The following MIDN variants were observed in gnomAD, a reference collection of about 807,000 sequenced individuals.
The protein encoded by MIDN is midbrain nucleolar protein.
Under a neutral mutation model 46.1 loss-of-function variants are expected in MIDN, and 26 were observed. That is an observed-to-expected ratio of 0.56 (90% confidence interval 0.41 to 0.78). MIDN has a LOEUF of 0.78. Ranked by LOEUF, MIDN falls within the 30% of genes least tolerant of loss-of-function variation. The pLI is 0.00. For missense variants in MIDN, 850 were observed against 771.8 expected, an observed-to-expected ratio of 1.10 and a Z score of -1.20; for synonymous variants, 432 against 343.3, an observed-to-expected ratio of 1.26 and a Z score of -2.86.
chr19:1,251,197 G>A (rs905030155), intron 2 of MIDN: 21 of 205,464 alleles, frequency 1.0e-4, no homozygotes, highest in Middle Eastern at 1.8e-3. Flanking sequence ...CTACAAAGAG[G>A]AGCCAGGACT....
At position 1,251,443 on chromosome 19, in the gene MIDN, G is replaced by A; in HGVS notation, c.234-119G>A. ...GCCCTGGATCTGGAAGCCGGGAAGG[G>A]GTGGGGGTGGGAACTTATCCGTCTC... On this transcript the variant is annotated intron_variant, in intron 2 of 8. Transcript: ENST00000682408. 5 of 842,212 alleles carry A rather than the reference G, an allele frequency of 5.9e-6. No individual in the cohort carries two copies. In the Admixed American group the frequency reaches 8.7e-5, roughly 15 times the overall value. The allele number at this position is 842,212 out of a possible 1,614,324, so 52.2% of individuals were successfully genotyped here. A position where few individuals can be genotyped will look rare whatever the true frequency, so the allele number is the denominator to read the frequency against.
intron 8 of MIDN, 44 bp downstream of exon 8, chr19:1,255,738 GGCTTCTCAA>G: frequency 6.8e-7 from 1 of 1,479,012 alleles, no homozygotes; most frequent in Non-Finnish European, 9.0e-7. Context: ...CGCCCGCCTG[GGCTTCTCAA>G]GGCCCCTCTG....
Position 1,258,434 on chromosome 19 carries a change from G to A in MIDN, c.*1162G>A, listed in dbSNP as rs2081228325. ...TGCCTCTCAGTGCCCCTGCCCTAGGGGTGTCTGTCTCCAGAGGGGAGGGAC... is the reference window on the plus strand; with the variant it reads ...TGCCTCTCAGTGCCCCTGCCCTAGGAGTGTCTGTCTCCAGAGGGGAGGGAC... On this transcript the variant is annotated 3_prime_UTR_variant, in exon 9 of 9. Transcript: ENST00000682408. The A allele has an allele frequency of 6.6e-6, 1 of 152,546 alleles. No individual in the cohort carries two copies. Among genetic ancestry groups the A allele is most frequent in the Non-Finnish European group, 1.5e-5 (1 of 68,034 alleles). 9.4% of individuals were successfully genotyped at this position (152,546 alleles called of 1,614,324 possible).
intron 4 of MIDN, among the ~76,000 whole-genome samples, chr19:1,252,188 C>G (rs958706091): frequency 2.0e-5 from 3 of 152,220 alleles, no homozygotes; most frequent in Admixed American, 2.0e-4. Context: ...GCCTCATCCC[C>G]GCTCACACCC....
chr19:1,254,052 G>A lies in MIDN; in HGVS notation c.483G>A (p.Gln161=). 1 of 1,450,508 alleles carries A rather than the reference G, an allele frequency of 6.9e-7. No individual in the cohort carries two copies. The highest frequency in any genetic ancestry group is 9.0e-7 in the Non-Finnish European group (1 of 1,109,030). The allele number at this position is 1,450,508 out of a possible 1,614,324, so 89.9% of individuals were successfully genotyped here. Residue 161 remains glutamine (Q), a synonymous_variant, in exon 5 of 9, where the codon CAG becomes CAA. Coordinates refer to ENST00000682408, the MANE Select transcript of MIDN (RefSeq NM_001388306.1). ...GTCCGTGGCACCGACAGGGACCCCA[G>A]AGCCCAGAGAGGGGCGGCGAGAGGC... ...FKRPWHRQGP[Q]SPERGGERPQ... is the part of the protein sequence containing the mutation.
intron 7 of MIDN, 101 bp downstream of exon 7, chr19:1,255,162 C>A: frequency 7.2e-7 from 1 of 1,384,854 alleles, no homozygotes; most frequent in Non-Finnish European, 9.9e-7. Flanking sequence ...TCTGGGCATA[C>A]ACAGGCTGTG....
Position 1,257,538 on chromosome 19 carries a change from C to CTCCTCCTCT in MIDN, c.*266_*267insTCCTCCTCT. Reference sequence around the variant, plus strand: ...CCTCTTCCTCCTCCTCCTCCTCCTCCGTCTGTCTCCTTTCACCTCTGCGCC... The same window carrying CTCCTCCTCT: ...CCTCTTCCTCCTCCTCCTCCTCCTCCTCCTCCTCTGTCTGTCTCCTTTCACCTCTGCGCC... On this transcript the variant is annotated 3_prime_UTR_variant, in exon 9 of 9. Transcript: ENST00000682408. 1 of 430,048 alleles carries CTCCTCCTCT rather than the reference C, an allele frequency of 2.3e-6. No individual in the cohort carries two copies. Among genetic ancestry groups the CTCCTCCTCT allele is most frequent in the Non-Finnish European group, 4.1e-6 (1 of 243,310 alleles). 26.6% of individuals were successfully genotyped at this position (430,048 alleles called of 1,614,324 possible).
chr19:1,254,074 A>T lies in MIDN; in HGVS notation c.505A>T (p.Arg169Trp). The T allele has an allele frequency of 6.8e-7, 1 of 1,475,304 alleles. No individual in the cohort carries two copies. The highest frequency in any genetic ancestry group is 8.9e-7 in the Non-Finnish European group (1 of 1,120,724). The allele number at this position is 1,475,304 out of a possible 1,614,324, so 91.4% of individuals were successfully genotyped here. A position where few individuals can be genotyped will look rare whatever the true frequency, so the allele number is the denominator to read the frequency against. ...GPQSPERGGERPQVSDFLSGR... is the reference protein window; with the variant it reads ...GPQSPERGGEWPQVSDFLSGR... ...CCAGAGCCCAGAGAGGGGCGGCGAG[A>T]GGCCCCAGGTCACAGCGCGGGGGGA... Residue 169 changes from arginine (R) to tryptophan (W), a missense_variant, in exon 5 of 9, where the codon AGG becomes TGG. By Grantham distance (101) the Arg-to-Trp change is moderately radical. Coordinates refer to ENST00000682408, the MANE Select transcript of MIDN (RefSeq NM_001388306.1).
chr19:1,250,443 C>G lies in MIDN; in HGVS notation c.147C>G (p.Pro49=), dbSNP rs753289396. ...TGTRYDLAVP[P]DETVEGLRKR... is the part of the protein sequence containing the mutation. ...CCCGCTACGACCTGGCCGTGCCGCC[C>G]GACGAGACGGTGGAGGGGCTGCGCA... Residue 49 remains proline, a synonymous_variant, in exon 2 of 9, where the codon CCC becomes CCG. Coordinates refer to ENST00000682408, the MANE Select transcript of MIDN (RefSeq NM_001388306.1). The G allele has an allele frequency of 7.9e-6, 11 of 1,387,824 alleles. No homozygotes were observed. Among genetic ancestry groups the G allele is most frequent in the South Asian group, 5.9e-5 (4 of 67,440 alleles). 86.0% of individuals were successfully genotyped at this position (1,387,824 alleles called of 1,614,324 possible).
chr19:1,254,760 G>T lies in MIDN; in HGVS notation c.826-142G>T, dbSNP rs745385406. ...TGTGTCCTGGGTTGGTTGTGACCTC[G>T]TGACCTTGGGCTAGTTTATCTCTAA... On this transcript the variant is annotated intron_variant, in intron 6 of 8. Transcript: ENST00000682408. The T allele has an allele frequency of 8.7e-6, 9 of 1,033,180 alleles. 1 individual carries two copies. Among genetic ancestry groups the T allele is most frequent in the Non-Finnish European group, 1.3e-5 (9 of 706,986 alleles). The allele number at this position is 1,033,180 out of a possible 1,614,324, so 64.0% of individuals were successfully genotyped here.
Position 1,254,010 on chromosome 19 carries a change from A to G in MIDN, c.441A>G (p.Arg147=), listed in dbSNP as rs1391592479. Residue 147 remains arginine (R), a synonymous_variant, in exon 5 of 9, where the codon AGA becomes AGG. Coordinates refer to ENST00000682408, the MANE Select transcript of MIDN (RefSeq NM_001388306.1). ...RAGGGGFRKY[R]FILFKRPWHR... ...GCGGAGGAGGCTTCCGGAAATACAG[A>G]TTCATTTTATTTAAGCGTCCGTGGC... 2 of 1,409,852 alleles carry G rather than the reference A, an allele frequency of 1.4e-6. No homozygotes were observed. Among genetic ancestry groups the G allele is most frequent in the African/African-American group, 1.5e-5 (1 of 65,504 alleles). The allele number at this position is 1,409,852 out of a possible 1,614,324, so 87.3% of individuals were successfully genotyped here.
At chr19:1,255,196 C>T (rs1277499261) in intron 7 of MIDN, 135 bp downstream of exon 7, 4 of 1,186,684 alleles carry the variant, frequency 3.4e-6, no homozygotes, top group African/African-American at 3.1e-5. Context: ...TTCACATGTC[C>T]CCCAGGAATC....
At position 1,257,367 on chromosome 19, in the gene MIDN, G is replaced by C; in HGVS notation, c.*95G>C. On this transcript the variant is annotated 3_prime_UTR_variant, in exon 9 of 9. Coordinates refer to ENST00000682408, the MANE Select transcript of MIDN (RefSeq NM_001388306.1). The stretch of plus-strand genomic sequence containing the variant: ...AGAGAACGTGGCCCAGCCCTGGAGG[G>C]CAGGCGGCCACTCCCCCAGCCAGAA... 1.0e-6 allele frequency: 1 copy of C among 978,418 alleles called. No homozygotes were observed. The highest frequency in any genetic ancestry group is 1.5e-5 in the South Asian group (1 of 68,840). The allele number at this position is 978,418 out of a possible 1,614,324, so 60.6% of individuals were successfully genotyped here.
chr19:1,252,632 G>A (rs1267911219), intron 4 of MIDN, among the ~76,000 whole-genome samples: 7 of 152,194 alleles, frequency 4.6e-5, no homozygotes, highest in South Asian at 4.1e-4. Context: ...CTCCCAGGAG[G>A]GTGACACAGG....
Position 1,250,344 on chromosome 19 carries a change from C to T in MIDN, c.48C>T (p.Pro16=). 2 of 1,046,100 alleles carry T rather than the reference C, an allele frequency of 1.9e-6. No homozygotes were observed. Among genetic ancestry groups the T allele is most frequent in the Non-Finnish European group, 2.3e-6 (2 of 869,956 alleles). The allele number at this position is 1,046,100 out of a possible 1,614,324, so 64.8% of individuals were successfully genotyped here. A position where few individuals can be genotyped will look rare whatever the true frequency, so the allele number is the denominator to read the frequency against. ...GGARSCRRGA[P]GGACELGPAA... ...CCCGGAGCTGCCGGCGCGGGGCCCC[C>T]GGCGGCGCCTGCGAGCTGGGCCCGG... The change falls in exon 2 of 9, where the codon CCC becomes CCT. Residue 16 remains proline (P), a synonymous_variant. Coordinates refer to ENST00000682408, the MANE Select transcript of MIDN (RefSeq NM_001388306.1).
intron 8 of MIDN, among the ~76,000 whole-genome samples, 194 bp from the exon 9 acceptor site, chr19:1,256,801 C>T (rs1234368733): frequency 1.3e-5 from 2 of 152,198 alleles, no homozygotes; most frequent in Non-Finnish European, 2.9e-5. Context: ...CTCGGCCTCC[C>T]AAAGTGCTGA....
intron 3 of MIDN, 80 bp downstream of exon 3, chr19:1,251,729 C>G (rs553934553): frequency 6.6e-7 from 1 of 1,521,358 alleles, no homozygotes; most frequent in Admixed American, 1.8e-5. Context: ...TGTCCGCACA[C>G]ACACTACCTG....
intron 4 of MIDN, among the ~76,000 whole-genome samples, chr19:1,252,452 T>C (rs10423391): frequency 0.4 from 61,137 of 151,714 alleles, 12,741 homozygotes; most frequent in East Asian, 0.54. Flanking sequence ...CTGGGGCCAG[T>C]GAGGCCTAGA....
chr19:1,252,530 C>T (rs1198989498), intron 4 of MIDN, among the ~76,000 whole-genome samples: 1 of 151,034 alleles, frequency 6.6e-6, no homozygotes, highest in Admixed American at 6.6e-5. Context: ...ACCCGGTTCC[C>T]GGTTTTGCTG....
Sources: allele counts gnomAD v4.1 joint callset (sites outside exome capture counted in the v4.1 genomes callset), GRCh38; gene constraint gnomAD v4.1.1; transcripts MANE v1.5; gene names NCBI Gene and HGNC (gene_info 2026-07-23, HGNC 2026-07-21).